Variants in NELL1 observed in about 807,000 individuals in gnomAD.
The protein encoded by NELL1 is protein kinase C-binding protein NELL1.
A neutral mutation model predicts 107.4 loss-of-function variants in NELL1; 76 were observed. That is an observed-to-expected ratio of 0.71 (90% CI 0.59 to 0.86). The LOEUF (loss-of-function observed/expected upper bound fraction) is 0.86, where lower values mean the gene tolerates loss of function less well. Among genes scored for constraint, NELL1 ranks in the 40% least tolerant of loss-of-function variants. The pLI is 0.00. For missense variants in NELL1, 1,024 were observed against 1,005.5 expected (o/e 1.02, Z -0.25); for synonymous variants, 353 against 341.2 (o/e 1.03, Z -0.38).
intron 15 of NELL1, among the ~76,000 whole-genome samples, chr11:21,417,256 T>C (rs1317752390): frequency 6.6e-6 from 1 of 152,080 alleles, no homozygotes; most frequent in Non-Finnish European, 1.5e-5. Flanking sequence ...ATAATAATTA[T>C]TGTCATTTTC....
chr11:21,398,512 T>G (rs1852029285), intron 15 of NELL1, among the ~76,000 whole-genome samples: 1 of 151,532 alleles, frequency 6.6e-6, no homozygotes, highest in African/African-American at 2.4e-5. Context: ...GAGCATAAAT[T>G]AGGTTTGGAA....
At chr11:21,442,942 C>CTTTTTTTTTTT (rs66501874) in intron 15 of NELL1, among the ~76,000 whole-genome samples, 38 of 57,584 alleles carry the variant, frequency 6.6e-4, no homozygotes, top group South Asian at 9.1e-4. Flanking sequence ...GCTATCTTTC[C>CTTTTTTTTTTT]TTTTTTTTTT....
At chr11:20,885,149 G>C (rs896817828) in intron 4 of NELL1, among the ~76,000 whole-genome samples, 1 of 152,122 alleles carries the variant, frequency 6.6e-6, no homozygotes, top group African/African-American at 2.4e-5. Flanking sequence ...TATAACATGC[G>C]TATCAAACCA....
At chr11:20,788,315 C>T (rs327039) in intron 3 of NELL1, among the ~76,000 whole-genome samples, 6,988 of 152,220 alleles carry the variant, frequency 0.046, 493 homozygotes, top group African/African-American at 0.16. Context: ...TTACATTCCC[C>T]GAAGCAGCGT....
intron 4 of NELL1, among the ~76,000 whole-genome samples, chr11:20,874,885 C>G (rs1485138726): frequency 6.6e-6 from 1 of 152,212 alleles, no homozygotes; most frequent in Admixed American, 6.5e-5. Flanking sequence ...TACTTGAAGA[C>G]CTTATTATGG....
intron 13 of NELL1, among the ~76,000 whole-genome samples, chr11:21,134,134 G>T (rs1289470885): frequency 6.6e-6 from 1 of 152,200 alleles, no homozygotes; most frequent in Non-Finnish European, 1.5e-5. Context: ...CATGACTATT[G>T]TCATTCTTCT....
At chr11:21,157,395 G>A (rs1379379477) in intron 13 of NELL1, among the ~76,000 whole-genome samples, 5 of 151,990 alleles carry the variant, frequency 3.3e-5, no homozygotes, top group Non-Finnish European at 7.4e-5. Flanking sequence ...ATTACAACAA[G>A]CATTGTGTAT....
At chr11:20,940,328 C>T (rs550096319) in intron 10 of NELL1, among the ~76,000 whole-genome samples, 30 of 151,934 alleles carry the variant, frequency 2.0e-4, no homozygotes, top group African/African-American at 7.2e-4. Flanking sequence ...AGCACAATCT[C>T]GGCTCACTGC....
intron 4 of NELL1, among the ~76,000 whole-genome samples, chr11:20,885,194 C>T (rs924730018): frequency 6.6e-6 from 1 of 152,164 alleles, no homozygotes; most frequent in African/African-American, 2.4e-5. Flanking sequence ...GTTCATTGCT[C>T]AGAGTGGACA....
intron 14 of NELL1, among the ~76,000 whole-genome samples, chr11:21,238,749 G>GT (rs773976766): frequency 1.3e-5 from 2 of 152,070 alleles, no homozygotes; most frequent in Non-Finnish European, 2.9e-5. Context: ...AGAGGCTGTT[G>GT]TAAGAGTTGT....
intron 15 of NELL1, among the ~76,000 whole-genome samples, chr11:21,401,135 T>A (rs1852087838): frequency 1.3e-5 from 2 of 151,910 alleles, no homozygotes; most frequent in South Asian, 4.1e-4. Context: ...CTGTTAAAGC[T>A]GAAATACCAC....
chr11:20,805,460 G>T (rs536512235), intron 3 of NELL1, among the ~76,000 whole-genome samples: 1 of 151,912 alleles, frequency 6.6e-6, no homozygotes, highest in East Asian at 1.9e-4. Context: ...TTAATTTTTT[G>T]TGTGTATCTG....
intron 15 of NELL1, among the ~76,000 whole-genome samples, chr11:21,394,977 A>G (rs1485378415): frequency 6.6e-6 from 1 of 151,482 alleles, no homozygotes; most frequent in Non-Finnish European, 1.5e-5. Flanking sequence ...ATAGTATGTG[A>G]TTGTTTAGAT....
chr11:21,568,090 A>G, intron 17 of NELL1, among the ~76,000 whole-genome samples: 1 of 151,826 alleles, frequency 6.6e-6, no homozygotes, highest in Non-Finnish European at 1.5e-5. Flanking sequence ...ATCATAGAGT[A>G]TATTTAAACA....
intron 15 of NELL1, among the ~76,000 whole-genome samples, chr11:21,457,511 G>A (rs1239498542): frequency 6.6e-6 from 1 of 152,164 alleles, no homozygotes; most frequent in African/African-American, 2.4e-5. Context: ...TGAAACACAG[G>A]CAGAGATAGC....
At chr11:20,737,029 A>C (rs568431305) in intron 2 of NELL1, among the ~76,000 whole-genome samples, 3 of 152,236 alleles carry the variant, frequency 2.0e-5, no homozygotes, top group African/African-American at 7.2e-5. Context: ...CTGGGATTAC[A>C]GATGTGAGCC....
At chr11:21,315,824 A>G (rs1380503688) in intron 14 of NELL1, among the ~76,000 whole-genome samples, 1 of 151,890 alleles carries the variant, frequency 6.6e-6, no homozygotes, top group South Asian at 2.1e-4. Flanking sequence ...ACTGTTGTCC[A>G]GTGAGTCAGT....
At chr11:21,065,013 C>T (rs1853834134) in intron 12 of NELL1, among the ~76,000 whole-genome samples, 1 of 152,068 alleles carries the variant, frequency 6.6e-6, no homozygotes, top group Admixed American at 6.6e-5. Flanking sequence ...TTTAATGATA[C>T]AGTGGTACAT....
intron 14 of NELL1, among the ~76,000 whole-genome samples, chr11:21,304,458 A>C (rs1849565372): frequency 6.6e-6 from 1 of 152,012 alleles, no homozygotes; most frequent in Non-Finnish European, 1.5e-5. Flanking sequence ...GCAGTGGGGA[A>C]AGGATTGCAG....
Sources: gnomAD v4.1 joint callset for allele counts (sites outside exome capture counted in the v4.1 genomes callset) on GRCh38, gnomAD v4.1.1 for gene constraint, MANE v1.5 for transcripts, NCBI Gene and HGNC (gene_info 2026-07-23, HGNC 2026-07-21) for gene names.